Variants in NIPAL2 observed in about 807,000 individuals in gnomAD.
The protein encoded by NIPAL2 is NIPA-like protein 2.
Under a neutral mutation model 48.9 loss-of-function variants are expected in NIPAL2, and 43 were observed. That is an observed-to-expected ratio of 0.88 (90% CI 0.69 to 1.13). The LOEUF is 1.13. NIPAL2 is among the 50% of genes most tolerant of loss of function. The probability of loss-of-function intolerance (pLI) is 0.00; values close to 1 mark genes in which losing one functional copy is unlikely to be tolerated. For synonymous variants in NIPAL2, 167 were observed against 174.6 expected, an observed-to-expected ratio of 0.96 and a Z score of 0.34; for missense variants, 446 against 461.4, an observed-to-expected ratio of 0.97 and a Z score of 0.31.
At chr8:98,242,368 G>T (rs1813030356) in intron 3 of NIPAL2, among the ~76,000 whole-genome samples, 1 of 151,352 alleles carries the variant, frequency 6.6e-6, no homozygotes, top group East Asian at 1.9e-4. Context: ...AATTTTTTTT[G>T]TAGAGACAGA....
At chr8:98,289,605 C>A (rs536099298) in intron 1 of NIPAL2, among the ~76,000 whole-genome samples, 14 of 152,042 alleles carry the variant, frequency 9.2e-5, no homozygotes, top group African/African-American at 3.4e-4. Flanking sequence ...CCTGTCTCAG[C>A]CTCCTGAGTA....
intron 10 of NIPAL2, 95 bp from the exon 11 acceptor site, chr8:98,193,185 C>G (rs1810379104): frequency 1.8e-6 from 2 of 1,112,058 alleles, no homozygotes; most frequent in Non-Finnish European, 2.7e-6. Context: ...TTTATCACCT[C>G]TCTTTTATAC....
intron 1 of NIPAL2, among the ~76,000 whole-genome samples, chr8:98,256,239 G>A (rs1813884488): frequency 6.6e-6 from 1 of 152,100 alleles, no homozygotes; most frequent in Admixed American, 6.6e-5. Context: ...GGTCAGGCTG[G>A]TCTCGAATTC....
At chr8:98,242,951 G>A (rs190346549) in intron 3 of NIPAL2, among the ~76,000 whole-genome samples, 4 of 151,980 alleles carry the variant, frequency 2.6e-5, no homozygotes, top group Admixed American at 1.3e-4. Flanking sequence ...TAAAAATTAC[G>A]TTAAAAAATA....
Position 98,252,627 on chromosome 8 carries a change from G to C in NIPAL2, c.212C>G (p.Ser71Cys). The C allele has an allele frequency of 6.2e-7, 1 of 1,609,720 alleles. No homozygotes were observed. Among genetic ancestry groups the C allele is most frequent in the Non-Finnish European group, 8.5e-7 (1 of 1,178,854 alleles). Residue 71 changes from serine to cysteine, a missense_variant, in exon 3 of 11, where the codon TCT becomes TGT. Physicochemically the swap from Ser to Cys is moderately radical, Grantham distance 112. Transcript: ENST00000430223. ...ISISLNIQKY[S>C]HLQLAQQEHP... is the part of the protein sequence containing the mutation. ...CTCTTGTTGTGCCAGCTGAAGGTGA[G>C]AATATTTCTGAAAGTAAATCAGAAG...
chr8:98,212,450 CT>C lies in NIPAL2; in HGVS notation c.609del (p.Gly204GlufsTer2). ...AGCAGAATCACCATATGCTTCATTC[CT>C]TTTCTTTTATAGAAATACAGGAGAA... ...FCILLYFYKR[K>X]GMKHMVILLT... On this transcript the variant is annotated frameshift_variant, in exon 6 of 11. Transcript: ENST00000430223. LOFTEE classifies it high-confidence loss of function. 1.3e-6 allele frequency: 2 copies of C among 1,586,552 alleles called. No homozygotes were observed. The highest frequency in any genetic ancestry group is 1.7e-6 in the Non-Finnish European group (2 of 1,155,696).
At chr8:98,263,916 A>C (rs1293659141) in intron 1 of NIPAL2, among the ~76,000 whole-genome samples, 48 of 132,020 alleles carry the variant, frequency 3.6e-4, no homozygotes, top group Non-Finnish European at 6.4e-4. Flanking sequence ...GCAGCACATC[A>C]AAAAGCTTAT....
chr8:98,262,471 G>T (rs1393287829), intron 1 of NIPAL2, among the ~76,000 whole-genome samples: 17 of 151,878 alleles, frequency 1.1e-4, no homozygotes, highest in African/African-American at 3.9e-4. Flanking sequence ...AAGGCAGGGG[G>T]TGCAATCCTA....
chr8:98,278,240 G>C (rs576985744), intron 1 of NIPAL2, among the ~76,000 whole-genome samples: 1 of 151,906 alleles, frequency 6.6e-6, no homozygotes, highest in East Asian at 1.9e-4. Context: ...TTGTTTGTTT[G>C]TTTGTTTTGT....
chr8:98,216,698 A>G (rs1240928793), intron 5 of NIPAL2, among the ~76,000 whole-genome samples: 1 of 152,198 alleles, frequency 6.6e-6, no homozygotes, highest in Non-Finnish European at 1.5e-5. Context: ...TGTGCAGATT[A>G]TTTTGTGAAG....
rs4734392 is a variant in NIPAL2, at chr8:98,192,495, T to G, written c.*483A>C. The G allele has an allele frequency of 0.41, 63,317 of 152,808 alleles. 13,785 individuals are homozygous for G. Among genetic ancestry groups the G allele is most frequent in the East Asian group, 0.59 (3,066 of 5,176 alleles). 9.5% of individuals were successfully genotyped at this position (152,808 alleles called of 1,614,324 possible). A position where few individuals can be genotyped will look rare whatever the true frequency, so the allele number is the denominator to read the frequency against. ...AAGATGACTTGCAATTCTAACTTAG[T>G]ACTTGAAAGGTGAGATTTTTATAGG... On this transcript the variant is annotated 3_prime_UTR_variant, in exon 11 of 11. Coordinates refer to ENST00000430223, the MANE Select transcript of NIPAL2 (RefSeq NM_001321635.2).
At chr8:98,285,247 G>C (rs1816085615) in intron 1 of NIPAL2, among the ~76,000 whole-genome samples, 1 of 152,152 alleles carries the variant, frequency 6.6e-6, no homozygotes, top group South Asian at 2.1e-4. Flanking sequence ...AAAATCCATA[G>C]GAGGAGGACT....
intron 3 of NIPAL2, among the ~76,000 whole-genome samples, chr8:98,243,608 G>A (rs1217555759): frequency 6.6e-6 from 1 of 152,160 alleles, no homozygotes; most frequent in Non-Finnish European, 1.5e-5. Flanking sequence ...CCCATAGCAG[G>A]CCACAAGAGA....
intron 1 of NIPAL2, among the ~76,000 whole-genome samples, chr8:98,274,902 C>G (rs73285605): frequency 6.6e-6 from 1 of 152,016 alleles, no homozygotes; most frequent in Non-Finnish European, 1.5e-5. Flanking sequence ...TTATCCCTCC[C>G]TCTGCTCTCA....
chr8:98,260,617 C>G (rs1225330621), intron 1 of NIPAL2, among the ~76,000 whole-genome samples: 1 of 152,100 alleles, frequency 6.6e-6, no homozygotes, highest in Non-Finnish European at 1.5e-5. Flanking sequence ...GCACCTGGCT[C>G]GGAGGGTCCT....
At chr8:98,265,340 A>T (rs1814647978) in intron 1 of NIPAL2, among the ~76,000 whole-genome samples, 1 of 147,168 alleles carries the variant, frequency 6.8e-6, no homozygotes, top group African/African-American at 2.5e-5. Context: ...CAGAGTGAAC[A>T]GGCAACCTAC....
intron 4 of NIPAL2, among the ~76,000 whole-genome samples, chr8:98,232,391 T>C (rs1420772566): frequency 6.6e-6 from 1 of 152,170 alleles, no homozygotes; most frequent in African/African-American, 2.4e-5. Flanking sequence ...GTGGGAAAGG[T>C]TACCTGGATT....
intron 1 of NIPAL2, among the ~76,000 whole-genome samples, chr8:98,259,440 C>T (rs185768463): frequency 6.6e-6 from 1 of 152,258 alleles, no homozygotes; most frequent in East Asian, 1.9e-4. Context: ...AAGGTATAAA[C>T]TATTACATTA....
intron 3 of NIPAL2, among the ~76,000 whole-genome samples, chr8:98,245,505 A>G (rs757158282): frequency 6.6e-6 from 1 of 152,238 alleles, no homozygotes; most frequent in Non-Finnish European, 1.5e-5. Context: ...TAATGAAGGA[A>G]CTGTCGTTCA....
Sources: gnomAD v4.1 joint callset for allele counts (sites outside exome capture counted in the v4.1 genomes callset) on GRCh38, gnomAD v4.1.1 for gene constraint, MANE v1.5 for transcripts, NCBI Gene and HGNC (gene_info 2026-07-23, HGNC 2026-07-21) for gene names.